The following LRBA variants were observed in gnomAD, a reference collection of about 807,000 sequenced individuals.
LRBA encodes the protein lipopolysaccharide-responsive and beige-like anchor protein.
Under a neutral mutation model 330.0 loss-of-function variants are expected in LRBA, and 176 were observed. That is an observed-to-expected ratio of 0.53 (90% CI 0.47 to 0.60). The LOEUF (loss-of-function observed/expected upper bound fraction) is 0.60, where lower values mean the gene tolerates loss of function less well. Ranked by LOEUF, LRBA falls within the 20% of genes least tolerant of loss-of-function variation. The pLI, the probability that LRBA is intolerant of heterozygous loss-of-function variation, is 0.00. For synonymous variants in LRBA, 1,230 were observed against 1,193.0 expected (o/e 1.03, Z -0.64); for missense variants, 3,259 against 3,444.8 (o/e 0.95, Z 1.35).
chr4:150,667,287 T>A (rs1781648504), intron 37 of LRBA, among the ~76,000 whole-genome samples: 1 of 152,184 alleles, frequency 6.6e-6, no homozygotes, highest in South Asian at 2.1e-4. Flanking sequence ...TATCCAGGAT[T>A]AACTTCGTTG....
chr4:150,505,385 A>C (rs1224632191), intron 40 of LRBA, among the ~76,000 whole-genome samples: 3 of 152,228 alleles, frequency 2.0e-5, no homozygotes, highest in African/African-American at 7.2e-5. Flanking sequence ...ACTGTCTCTC[A>C]GACCACAGTG....
At chr4:150,983,446 A>G (rs1466851098) in intron 2 of LRBA, among the ~76,000 whole-genome samples, 1 of 128,524 alleles carries the variant, frequency 7.8e-6, no homozygotes, top group Admixed American at 7.9e-5. Flanking sequence ...TGAAGCAAGC[A>G]CTCTTTTTTT....
chr4:150,676,283 T>A (rs1343918294), intron 37 of LRBA, among the ~76,000 whole-genome samples: 1 of 152,200 alleles, frequency 6.6e-6, no homozygotes, highest in Non-Finnish European at 1.5e-5. Flanking sequence ...TATATCCTTG[T>A]TTATGACCAT....
chr4:150,571,398 G>T (rs1769818557), intron 40 of LRBA, among the ~76,000 whole-genome samples: 1 of 151,890 alleles, frequency 6.6e-6, no homozygotes, highest in African/African-American at 2.4e-5. Context: ...ATTGCTTTAA[G>T]AATCCATAAG....
At chr4:150,327,951 CAGAG>C (rs1438340774) in intron 48 of LRBA, among the ~76,000 whole-genome samples, 1 of 152,018 alleles carries the variant, frequency 6.6e-6, no homozygotes, top group African/African-American at 2.4e-5. Context: ...AGCCTAGAGA[CAGAG>C]AGATTTCTTT....
At chr4:151,012,477 G>A (rs570302041) in intron 2 of LRBA, among the ~76,000 whole-genome samples, 1 of 152,010 alleles carries the variant, frequency 6.6e-6, no homozygotes, top group South Asian at 2.1e-4. Flanking sequence ...TTTTAAAAAA[G>A]AACAAAAAAT....
chr4:150,545,426 AT>A lies in LRBA; in HGVS notation c.6330+42621del, dbSNP rs201851226. On this transcript the variant is annotated intron_variant, in intron 40 of 56. Transcript: ENST00000651943. Reference sequence around the variant, plus strand: ...TATCTGAAACCTATCAGTTAAATTCATTATTAATTCTTTTATTTTACTTATT... The same window carrying A: ...TATCTGAAACCTATCAGTTAAATTCATATTAATTCTTTTATTTTACTTATT... Among the ~76,000 whole-genome samples the A allele has an allele frequency of 5.7e-4, 87 of 152,308 alleles. 4 individuals carry two copies. The East Asian group carries it at 0.016, about 28-fold the overall frequency.
At chr4:150,581,752 T>C (rs141852207) in intron 40 of LRBA, 1 of 153,204 alleles carries the variant, frequency 6.5e-6, no homozygotes, top group East Asian at 1.9e-4. Context: ...CTTTACCCTG[T>C]TTCTTTATCA....
chr4:150,829,824 C>A (rs1409024685), intron 29 of LRBA, among the ~76,000 whole-genome samples: 1 of 54,522 alleles, frequency 1.8e-5, no homozygotes, highest in Non-Finnish European at 8.2e-5. Flanking sequence ...TCTTACATGT[C>A]TAAAAAAACC....
chr4:150,668,775 GT>G (rs1781793052), intron 37 of LRBA, among the ~76,000 whole-genome samples: 1 of 152,216 alleles, frequency 6.6e-6, no homozygotes, highest in Non-Finnish European at 1.5e-5. Flanking sequence ...GGAAGTAGAA[GT>G]TGATGTGAGG....
At chr4:150,562,455 G>A (rs1326963685) in intron 40 of LRBA, among the ~76,000 whole-genome samples, 1 of 152,112 alleles carries the variant, frequency 6.6e-6, no homozygotes, top group Non-Finnish European at 1.5e-5. Flanking sequence ...GGCAATGTAA[G>A]TACATATTCA....
intron 5 of LRBA, among the ~76,000 whole-genome samples, chr4:150,919,106 T>C (rs530375893): frequency 6.6e-6 from 1 of 152,272 alleles, no homozygotes; most frequent in South Asian, 2.1e-4. Context: ...TGCTGTACCA[T>C]GGATGGACCT....
chr4:150,759,794 T>C (rs561324813), intron 35 of LRBA, among the ~76,000 whole-genome samples: 135 of 152,298 alleles, frequency 8.9e-4, no homozygotes, highest in African/African-American at 3.1e-3. Flanking sequence ...TCCTGGGACA[T>C]AGTGTGTAAT....
Position 150,583,743 on chromosome 4 carries a change from G to A in LRBA, c.6330+4305C>T. ...GGGTGCTACAGTTCGGGGAGGCGGA[G>A]AACCGCCTGCTGATGGGCGGCTGCC... On this transcript the variant is annotated intron_variant, in intron 40 of 56. Transcript: ENST00000651943. This position sits in a 1 kb window ranked among gnomAD's most constrained non-coding sequence, Gnocchi z 9.8. 6 of 1,613,680 alleles carry A rather than the reference G, an allele frequency of 3.7e-6. No individual in the cohort carries two copies. The highest frequency in any genetic ancestry group is 5.1e-6 in the Non-Finnish European group (6 of 1,179,820).
At chr4:150,678,374 G>T (rs1782758731) in intron 37 of LRBA, among the ~76,000 whole-genome samples, 1 of 151,664 alleles carries the variant, frequency 6.6e-6, no homozygotes. Context: ...TACTACACAA[G>T]AAAAAAATGG....
chr4:150,389,115 G>C (rs1213743589), intron 47 of LRBA, among the ~76,000 whole-genome samples: 1 of 152,092 alleles, frequency 6.6e-6, no homozygotes, highest in South Asian at 2.1e-4. Flanking sequence ...CTTTGTAAAA[G>C]ATCCAAAAGA....
In LRBA at chr4:150,867,667, T is replaced by C; in HGVS notation, c.2766+4A>G. On this transcript the variant is annotated splice_donor_region_variant and intron_variant, in intron 22 of 56. Transcript: ENST00000651943. ...CTACAATACGCTTTCATAAAGAAAC[T>C]TACCTTTGAATGAGTGATTGATAAA... 6.3e-7 allele frequency: 1 copy of C among 1,593,888 alleles called. No homozygotes were observed. The highest frequency in any genetic ancestry group is 8.5e-7 in the Non-Finnish European group (1 of 1,172,824).
chr4:150,855,666 A>G (rs1751139639), intron 22 of LRBA, among the ~76,000 whole-genome samples: 1 of 152,068 alleles, frequency 6.6e-6, no homozygotes, highest in Non-Finnish European at 1.5e-5. Context: ...TTTCTCCACT[A>G]CAATCAGAAA....
intron 34 of LRBA, among the ~76,000 whole-genome samples, chr4:150,776,964 A>C (rs1326358860): frequency 2.0e-5 from 3 of 152,220 alleles, no homozygotes; most frequent in Non-Finnish European, 2.9e-5. Context: ...TAGAACATGC[A>C]TTCAAGTTTT....
Sources: gnomAD v4.1 joint callset for allele counts (sites outside exome capture counted in the v4.1 genomes callset) on GRCh38, gnomAD v4.1.1 for gene constraint, Gnocchi (gnomAD v3.1) non-coding constraint, MANE v1.5 for transcripts, NCBI Gene and HGNC (gene_info 2026-07-23, HGNC 2026-07-21) for gene names.